Variants in SNX29 observed in about 807,000 individuals in gnomAD.
SNX29 encodes the protein sorting nexin 29.
A neutral mutation model predicts 102.1 loss-of-function variants in SNX29; 78 were observed. The ratio of observed to expected loss-of-function variants is 0.76; its 90% CI spans 0.64 to 0.92. The LOEUF (loss-of-function observed/expected upper bound fraction) is 0.92. Among genes scored for constraint, SNX29 ranks in the 40% least tolerant of loss-of-function variants. SNX29 has a pLI of 0.00. For missense variants in SNX29, 1,280 were observed against 1,061.7 expected (o/e 1.21, Z -2.86); for synonymous variants, 580 against 414.5 (o/e 1.40, Z -4.85).
chr16:12,508,740 C>T (rs1329158867), intron 19 of SNX29, among the ~76,000 whole-genome samples: 3 of 152,078 alleles, frequency 2.0e-5, no homozygotes, highest in Admixed American at 2.0e-4. Flanking sequence ...TCTTTTATCT[C>T]CACCAGCTCC....
At chr16:12,289,857 GAA>G in intron 15 of SNX29, among the ~76,000 whole-genome samples, 1 of 152,124 alleles carries the variant, frequency 6.6e-6, no homozygotes, top group Non-Finnish European at 1.5e-5. Context: ...GGACGCGAGT[GAA>G]AGAGATGTAG....
intron 16 of SNX29, among the ~76,000 whole-genome samples, chr16:12,392,724 C>A (rs1249089916): frequency 2.0e-5 from 3 of 152,184 alleles, no homozygotes; most frequent in Non-Finnish European, 4.4e-5. Flanking sequence ...AGCAAAGAAT[C>A]CTTGACCTCA....
intron 18 of SNX29, among the ~76,000 whole-genome samples, chr16:12,427,558 C>T (rs1001773245): frequency 7.9e-5 from 12 of 152,066 alleles, no homozygotes; most frequent in Non-Finnish European, 2.9e-5. Context: ...ATAGGAATTG[C>T]TCTTGACTTT....
intron 20 of SNX29, among the ~76,000 whole-genome samples, chr16:12,558,067 T>G (rs1270325945): frequency 3.3e-5 from 5 of 152,220 alleles, no homozygotes; most frequent in Non-Finnish European, 7.3e-5. Context: ...GACATGATTG[T>G]GCTCTGAACA....
chr16:12,008,135 G>A (rs111573389), intron 3 of SNX29, among the ~76,000 whole-genome samples: 11,688 of 152,136 alleles, frequency 0.077, 646 homozygotes, highest in Non-Finnish European at 0.12. Flanking sequence ...TAGTAGAGAT[G>A]GGGTTTCACC....
intron 11 of SNX29, among the ~76,000 whole-genome samples, chr16:12,092,518 A>C (rs892197763): frequency 6.6e-6 from 1 of 152,028 alleles, no homozygotes; most frequent in South Asian, 2.1e-4. Flanking sequence ...TGTCAGGGAG[A>C]TGCAGCTGGT....
intron 16 of SNX29, among the ~76,000 whole-genome samples, chr16:12,363,519 G>A (rs543993705): frequency 5.3e-5 from 8 of 152,312 alleles, no homozygotes; most frequent in Admixed American, 2.6e-4. Flanking sequence ...ACCATAGTGC[G>A]AGGTTCTGTG....
Position 12,572,977 on chromosome 16 carries a change from T to G in SNX29, c.*4348T>G, listed in dbSNP as rs1414050736. ...CAAGGTCAAAGATTTTTCAAAATAT[T>G]GTGCATTAATTCATTAAAGCTACTG... is the stretch of plus-strand genomic sequence containing the variant. On this transcript the variant is annotated 3_prime_UTR_variant, in exon 21 of 21. Coordinates refer to ENST00000566228, the MANE Select transcript of SNX29 (RefSeq NM_032167.5). The G allele has an allele frequency of 4.3e-6, 2 of 467,122 alleles. No individual in the cohort carries two copies. The highest frequency in any genetic ancestry group is 1.2e-4 in the East Asian group (2 of 17,232). 28.9% of individuals were successfully genotyped at this position (467,122 alleles called of 1,614,324 possible). A position where few individuals can be genotyped will look rare whatever the true frequency, so the allele number is the denominator to read the frequency against.
At chr16:12,456,562 G>T (rs1438283666) in intron 18 of SNX29, among the ~76,000 whole-genome samples, 4 of 151,962 alleles carry the variant, frequency 2.6e-5, no homozygotes, top group African/African-American at 9.7e-5. Flanking sequence ...TGTATACCTG[G>T]TGGGGCAGTG....
intron 20 of SNX29, among the ~76,000 whole-genome samples, chr16:12,538,238 C>G (rs1283020272): frequency 2.0e-5 from 3 of 152,130 alleles, no homozygotes; most frequent in Non-Finnish European, 4.4e-5. Context: ...GCCTCAGTCT[C>G]CCTAGTAGCT....
At chr16:12,322,885 T>C (rs62039970) in intron 15 of SNX29, among the ~76,000 whole-genome samples, 5,079 of 31,674 alleles carry the variant, frequency 0.16, 149 homozygotes, top group East Asian at 0.47. Context: ...CTGGAGTCAC[T>C]GGGGACCACT....
At chr16:12,273,414 A>T (rs959549661) in intron 14 of SNX29, among the ~76,000 whole-genome samples, 1 of 151,314 alleles carries the variant, frequency 6.6e-6, no homozygotes, top group Non-Finnish European at 1.5e-5. Context: ...GCTGTAGTGC[A>T]ATGGTGGGAT....
At chr16:12,453,710 C>T (rs1424202980) in intron 18 of SNX29, among the ~76,000 whole-genome samples, 1 of 152,154 alleles carries the variant, frequency 6.6e-6, no homozygotes, top group Non-Finnish European at 1.5e-5. Context: ...TTGCTTTTTG[C>T]ATAAAAGTTA....
chr16:12,345,983 C>A (rs1301676520), intron 15 of SNX29, among the ~76,000 whole-genome samples: 2 of 152,276 alleles, frequency 1.3e-5, no homozygotes, highest in Non-Finnish European at 2.9e-5. Context: ...AGCCACCAAC[C>A]CAAGCCAGTC....
chr16:12,413,778 T>C (rs2084506516), intron 18 of SNX29, among the ~76,000 whole-genome samples: 1 of 152,220 alleles, frequency 6.6e-6, no homozygotes, highest in African/African-American at 2.4e-5. Context: ...AGCCTGTGGC[T>C]TTGAGAGCCG....
At chr16:12,500,178 T>C (rs1463784499) in intron 19 of SNX29, among the ~76,000 whole-genome samples, 1 of 152,050 alleles carries the variant, frequency 6.6e-6, no homozygotes, top group African/African-American at 2.4e-5. Flanking sequence ...TGTTAATTTA[T>C]GCAGCGACAA....
Position 12,572,017 on chromosome 16 carries a change from G to GCTATAAAAGGGATCATCCAGTGGAGTTGT in SNX29, c.*3389_*3417dup. ...ACCAGTTGCATCTAGGGAGCTGCTG[G>GCTATAAAAGGGATCATCCAGTGGAGTTGT]CTATAAAAGGGATCATCCAGTGGAG... is the stretch of plus-strand genomic sequence containing the variant. On this transcript the variant is annotated 3_prime_UTR_variant, in exon 21 of 21. Transcript: ENST00000566228. The GCTATAAAAGGGATCATCCAGTGGAGTTGT allele has an allele frequency of 1.9e-6, 2 of 1,062,800 alleles. No homozygotes were observed. Among genetic ancestry groups the GCTATAAAAGGGATCATCCAGTGGAGTTGT allele is most frequent in the Non-Finnish European group, 2.3e-6 (2 of 877,724 alleles). 65.8% of individuals were successfully genotyped at this position (1,062,800 alleles called of 1,614,324 possible).
At chr16:12,180,687 G>A (rs959496188) in intron 13 of SNX29, among the ~76,000 whole-genome samples, 4 of 152,084 alleles carry the variant, frequency 2.6e-5, no homozygotes, top group East Asian at 1.9e-4. Flanking sequence ...GGGTTTCACC[G>A]TGTAAGCCAG....
chr16:12,261,005 C>T (rs903069131), intron 14 of SNX29, among the ~76,000 whole-genome samples: 3 of 147,182 alleles, frequency 2.0e-5, no homozygotes, highest in Non-Finnish European at 4.5e-5. Context: ...GTTTGTTGAG[C>T]TCGGGTCTGT....
Sources: allele counts gnomAD v4.1 joint callset (sites outside exome capture counted in the v4.1 genomes callset), GRCh38; gene constraint gnomAD v4.1.1; transcripts MANE v1.5; gene names NCBI Gene and HGNC (gene_info 2026-07-23, HGNC 2026-07-21).